ANO1: variants seen among roughly 807,000 people sequenced by gnomAD.
The protein encoded by ANO1 is anoctamin 1, also known as anoctamin-1.
In ANO1, 59 loss-of-function variants were observed where a neutral mutation model predicts 124.0. That is an observed-to-expected ratio of 0.48 (90% CI 0.39 to 0.59). The LOEUF is 0.59. Among genes scored for constraint, ANO1 ranks in the 20% least tolerant of loss-of-function variants. The pLI is 0.00. For missense variants in ANO1, 1,059 were observed against 1,328.0 expected, an observed-to-expected ratio of 0.80 and a Z score of 3.15; for synonymous variants, 529 against 532.0, an observed-to-expected ratio of 0.99 and a Z score of 0.08.
chr11:70,159,081 G>A (rs181848435), intron 16 of ANO1, among the ~76,000 whole-genome samples: 51 of 152,324 alleles, frequency 3.3e-4, no homozygotes, highest in African/African-American at 8.4e-4. Context: ...GGAGGTGGCC[G>A]TCTAGGGCTG....
intron 1 of ANO1, among the ~76,000 whole-genome samples, chr11:70,003,808 T>A (rs556216802): frequency 6.6e-6 from 1 of 152,064 alleles, no homozygotes; most frequent in East Asian, 1.9e-4. Flanking sequence ...CTGTTTCACA[T>A]AGAACAGTGA....
intron 9 of ANO1, among the ~76,000 whole-genome samples, 152 bp downstream of exon 9, chr11:70,124,566 CA>C (rs920270548): frequency 2.0e-5 from 3 of 152,228 alleles, no homozygotes; most frequent in African/African-American, 7.2e-5. Context: ...AATGTCCCTG[CA>C]GGGCTGAGAG....
intron 1 of ANO1, among the ~76,000 whole-genome samples, chr11:70,039,765 C>T (rs1436408314): frequency 6.6e-6 from 1 of 152,196 alleles, no homozygotes; most frequent in Non-Finnish European, 1.5e-5. Flanking sequence ...AAAATGAGGA[C>T]TCCAAAGAGC....
At chr11:70,122,630 TC>T (rs1186685718) in intron 8 of ANO1, among the ~76,000 whole-genome samples, 2 of 137,492 alleles carry the variant, frequency 1.5e-5, no homozygotes, top group East Asian at 2.3e-4. Flanking sequence ...TTTCCCTCCC[TC>T]CCCCTTCTCT....
chr11:70,095,232 G>GA (rs397955345), intron 2 of ANO1, among the ~76,000 whole-genome samples: 1 of 114,538 alleles, frequency 8.7e-6, no homozygotes, highest in African/African-American at 3.4e-5. Flanking sequence ...GAGAGAGAGA[G>GA]GAAAGAAAGA....
intron 4 of ANO1, 41 bp from the exon 5 acceptor site, chr11:70,105,693 C>G (rs2045499361): frequency 6.3e-7 from 1 of 1,598,990 alleles, no homozygotes; most frequent in Admixed American, 1.7e-5. Flanking sequence ...ACTGCCAGCT[C>G]TGGTGAACTG....
intron 2 of ANO1, among the ~76,000 whole-genome samples, chr11:70,100,308 G>T (rs1255581098): frequency 6.6e-6 from 1 of 152,214 alleles, no homozygotes; most frequent in African/African-American, 2.4e-5. Flanking sequence ...TGGAAGAAGG[G>T]TCTTCGCAGA....
At chr11:70,181,007 C>T (rs1009112236) in intron 23 of ANO1, among the ~76,000 whole-genome samples, 4 of 152,268 alleles carry the variant, frequency 2.6e-5, no homozygotes, top group Admixed American at 6.5e-5. Context: ...CCTTCCCCAT[C>T]GGGGTCTGTC....
At chr11:69,977,051 T>C in the ANO1 span, among the ~76,000 whole-genome samples, 13 of 152,216 alleles carry the variant, frequency 8.5e-5, no homozygotes, top group African/African-American at 3.1e-4. Context: ...ACACTCACTC[T>C]CTTCTGCTTC....
intron 6 of ANO1, among the ~76,000 whole-genome samples, chr11:70,110,625 G>C (rs2045737215): frequency 6.6e-6 from 1 of 152,130 alleles, no homozygotes; most frequent in Non-Finnish European, 1.5e-5. Flanking sequence ...CCATTTTCAA[G>C]GGGATTTCGG....
upstream of ANO1, among the ~76,000 whole-genome samples, chr11:70,076,307 C>G (rs1555009991): frequency 6.6e-6 from 1 of 152,204 alleles, no homozygotes; most frequent in East Asian, 1.9e-4. Context: ...GTGGGGCCAC[C>G]TTGCCTAGGA....
At chr11:69,994,183 C>G (rs918572921) in intron 1 of ANO1, among the ~76,000 whole-genome samples, 17 of 152,058 alleles carry the variant, frequency 1.1e-4, no homozygotes, top group Admixed American at 7.9e-4. Flanking sequence ...TTCAGGAAAC[C>G]CTTGCACCGT....
chr11:70,080,769 G>T (rs530518423), intron 1 of ANO1, among the ~76,000 whole-genome samples: 1 of 152,204 alleles, frequency 6.6e-6, no homozygotes, highest in Non-Finnish European at 1.5e-5. Flanking sequence ...AGCTTGGAAG[G>T]CTGAATCAGA....
chr11:70,063,650 C>T (rs1857648907), intron 1 of ANO1: 1 of 152,090 alleles, frequency 6.6e-6, no homozygotes, highest in Admixed American at 6.5e-5. Flanking sequence ...TTCAGAACCC[C>T]GTTTGTTCTG....
rs2049205443 is a variant in ANO1 at position 70,187,994 on chromosome 11, G to A, written c.2951G>A (p.Gly984Asp). 1.3e-6 allele frequency: 2 copies of A among 1,561,048 alleles called. No individual in the cohort carries two copies. Among genetic ancestry groups the A allele is most frequent in the African/African-American group, 2.7e-5 (2 of 73,634 alleles). The change falls in exon 26 of 26, where the codon GGC becomes GAC. Residue 984 changes from glycine (G) to aspartate (D), a missense_variant. Physicochemically the swap from Gly to Asp is moderately conservative, Grantham distance 94. Coordinates refer to ENST00000355303, the MANE Select transcript of ANO1 (RefSeq NM_018043.7). ...SPAPSHAYHG[G>D]VL is the part of the protein sequence containing the mutation. Reference sequence around the variant, plus strand: ...GCCCCCAGCCATGCCTACCACGGGGGCGTCCTGTAGCTATGCCAGCGGGGC... The same window carrying A: ...GCCCCCAGCCATGCCTACCACGGGGACGTCCTGTAGCTATGCCAGCGGGGC...
chr11:69,988,631 A>C (rs1427223987), intron 1 of ANO1, among the ~76,000 whole-genome samples: 1 of 152,180 alleles, frequency 6.6e-6, no homozygotes, highest in African/African-American at 2.4e-5. Flanking sequence ...TCTCCCAGGG[A>C]GCAATTGATT....
intron 1 of ANO1, among the ~76,000 whole-genome samples, chr11:70,010,017 A>G (rs782526744): frequency 1.2e-4 from 18 of 151,722 alleles, no homozygotes; most frequent in Non-Finnish European, 2.1e-4. Flanking sequence ...GTGAGAACAT[A>G]CAATGTTTGG....
intron 1 of ANO1, among the ~76,000 whole-genome samples, chr11:70,026,043 ATGG>A (rs1277322093): frequency 7.7e-5 from 10 of 130,684 alleles, no homozygotes; most frequent in Admixed American, 5.6e-4. Context: ...GATGGTGATG[ATGG>A]TGGTGGTGGT....
At chr11:70,080,390 G>A (rs1451313568) in intron 1 of ANO1, among the ~76,000 whole-genome samples, 3 of 152,192 alleles carry the variant, frequency 2.0e-5, no homozygotes, top group Non-Finnish European at 4.4e-5. Flanking sequence ...CCCATAATGG[G>A]TAGGGACTGA....
Sources: allele counts gnomAD v4.1 joint callset (sites outside exome capture counted in the v4.1 genomes callset), GRCh38; gene constraint gnomAD v4.1.1; transcripts MANE v1.5; gene names NCBI Gene and HGNC (gene_info 2026-07-23, HGNC 2026-07-21).